Variants in SLC35D2 observed in about 807,000 individuals in gnomAD.
SLC35D2 encodes the protein solute carrier family 35 member D2.
SLC35D2 carries 43 observed loss-of-function variants against 41.8 expected under a neutral mutation model. That is an observed-to-expected ratio of 1.03 (90% CI 0.81 to 1.33). The LOEUF is 1.33. SLC35D2 is among the 40% of genes most tolerant of loss of function. The pLI is 0.00. For synonymous variants in SLC35D2, 150 were observed against 163.9 expected, an observed-to-expected ratio of 0.92 and a Z score of 0.65; for missense variants, 380 against 408.4, an observed-to-expected ratio of 0.93 and a Z score of 0.60.
chr9:96,348,029 C>T (rs1268301545), intron 6 of SLC35D2, among the ~76,000 whole-genome samples: 4 of 152,194 alleles, frequency 2.6e-5, no homozygotes, highest in Non-Finnish European at 5.9e-5. Context: ...AGCTCTGGGG[C>T]TGCTCTTTCT....
intron 8 of SLC35D2, among the ~76,000 whole-genome samples, chr9:96,337,871 A>G (rs1829120108): frequency 6.6e-6 from 1 of 151,298 alleles, no homozygotes; most frequent in Admixed American, 6.6e-5. Context: ...AATCCCAGCT[A>G]CTACAGGGGC....
intron 1 of SLC35D2, among the ~76,000 whole-genome samples, chr9:96,371,442 T>C (rs1290940506): frequency 9.2e-6 from 1 of 108,522 alleles, no homozygotes; most frequent in African/African-American, 3.3e-5. Context: ...CTGCACTCTA[T>C]CTAGCCTGGG....
At chr9:96,335,578 T>C (rs1207652111) in intron 9 of SLC35D2, among the ~76,000 whole-genome samples, 2 of 152,134 alleles carry the variant, frequency 1.3e-5, no homozygotes, top group East Asian at 3.9e-4. Flanking sequence ...CAGGCTGGTC[T>C]CAAACTCCTG....
At chr9:96,376,909 C>T (rs544865231) in intron 1 of SLC35D2, among the ~76,000 whole-genome samples, 1 of 151,574 alleles carries the variant, frequency 6.6e-6, no homozygotes, top group South Asian at 2.1e-4. Context: ...TGCGCCCGGC[C>T]ATGGGGTCAA....
intron 7 of SLC35D2, among the ~76,000 whole-genome samples, chr9:96,344,529 A>AAT (rs745811048): frequency 0.037 from 2,553 of 69,706 alleles, 141 homozygotes; most frequent in African/African-American, 0.093. Context: ...AAAAAAAAAA[A>AAT]GGCCATGCAG....
chr9:96,332,316 C>T (rs1451456589), intron 9 of SLC35D2, among the ~76,000 whole-genome samples: 2 of 152,024 alleles, frequency 1.3e-5, no homozygotes, highest in African/African-American at 4.8e-5. Context: ...GCACCAGTCC[C>T]CAAAGCCAAG....
intron 9 of SLC35D2, among the ~76,000 whole-genome samples, chr9:96,334,355 G>C (rs1056276016): frequency 2.6e-5 from 4 of 152,130 alleles, no homozygotes; most frequent in African/African-American, 9.7e-5. Context: ...TAAGCAAAAT[G>C]GGCCGGGTGT....
At chr9:96,347,778 C>T (rs1235067008) in intron 6 of SLC35D2, among the ~76,000 whole-genome samples, 4 of 152,004 alleles carry the variant, frequency 2.6e-5, no homozygotes, top group East Asian at 1.9e-4. Flanking sequence ...CATAGGAAGC[C>T]GGCACAAAAT....
intron 2 of SLC35D2, among the ~76,000 whole-genome samples, chr9:96,367,219 CAAAAAAAA>C (rs1171888357): frequency 1.4e-5 from 1 of 71,000 alleles, no homozygotes; most frequent in Non-Finnish European, 3.1e-5. Context: ...GACTCAGTCA[CAAAAAAAA>C]AAAAAAAAAA....
downstream of SLC35D2, among the ~76,000 whole-genome samples, chr9:96,317,592 T>C (rs963326386): frequency 6.6e-6 from 1 of 152,212 alleles, no homozygotes; most frequent in Non-Finnish European, 1.5e-5. Flanking sequence ...AACACATCTT[T>C]AAGAATTCCA....
At chr9:96,348,371 G>A (rs991950801) in intron 6 of SLC35D2, among the ~76,000 whole-genome samples, 2 of 152,198 alleles carry the variant, frequency 1.3e-5, no homozygotes, top group Non-Finnish European at 2.9e-5. Flanking sequence ...CTCTGAGGCA[G>A]GGATTCCATC....
intron 9 of SLC35D2, 123 bp from the exon 10 acceptor site, chr9:96,324,292 T>C: frequency 4.4e-6 from 3 of 675,662 alleles, no homozygotes; most frequent in South Asian, 2.3e-5. Context: ...ACACATATCA[T>C]AAAGGTTTTG....
chr9:96,370,517 C>T (rs1183255974), intron 1 of SLC35D2, among the ~76,000 whole-genome samples: 5 of 151,920 alleles, frequency 3.3e-5, no homozygotes, highest in South Asian at 4.2e-4. Context: ...ATTAGCCGGG[C>T]GTGGTGGTGG....
chr9:96,345,524 T>C, intron 6 of SLC35D2, 123 bp from the exon 7 acceptor site: 1 of 653,298 alleles, frequency 1.5e-6, no homozygotes, highest in South Asian at 1.8e-5. Context: ...CCCCGCTTTG[T>C]GGTAGTGAAT....
chr9:96,370,531 C>T (rs575036033), intron 1 of SLC35D2, among the ~76,000 whole-genome samples: 76 of 152,130 alleles, frequency 5.0e-4, no homozygotes, highest in South Asian at 8.3e-4. Flanking sequence ...GTGGTGGGCA[C>T]CTGTAGTCCC....
intron 9 of SLC35D2, among the ~76,000 whole-genome samples, chr9:96,325,316 G>C (rs1011865628): frequency 1.3e-5 from 2 of 152,182 alleles, no homozygotes; most frequent in Non-Finnish European, 2.9e-5. Flanking sequence ...TGTTGAAAGG[G>C]ATTACAAACT....
chr9:96,382,596 G>A (rs1831250002), intron 1 of SLC35D2, among the ~76,000 whole-genome samples: 1 of 150,824 alleles, frequency 6.6e-6, no homozygotes, highest in Admixed American at 6.6e-5. Flanking sequence ...TTTTATATTC[G>A]AGAAAAGTGA....
chr9:96,383,653 C>CCCCGCCG lies in SLC35D2; in HGVS notation c.-26_-20dup, dbSNP rs1053389638. 2.9e-6 allele frequency: 3 copies of CCCCGCCG among 1,022,970 alleles called. No individual in the cohort carries two copies. In the African/African-American group the frequency reaches 5.2e-5, roughly 18 times the overall value. 63.4% of individuals were successfully genotyped at this position (1,022,970 alleles called of 1,614,324 possible). ...CCGTCATCTCCTGCGGCCCCGCGGA[C>CCCCGCCG]CCCGCCGCCCGCCAGCCCCGGCTGC... On this transcript the variant is annotated 5_prime_UTR_variant, in exon 1 of 12. Transcript: ENST00000253270.
At chr9:96,346,194 T>G (rs1003298461) in intron 6 of SLC35D2, among the ~76,000 whole-genome samples, 1 of 152,164 alleles carries the variant, frequency 6.6e-6, no homozygotes, top group Non-Finnish European at 1.5e-5. Flanking sequence ...AAAGACAGAT[T>G]AACAGGAGAA....
Sources: gnomAD v4.1 joint callset for allele counts (sites outside exome capture counted in the v4.1 genomes callset) on GRCh38, gnomAD v4.1.1 for gene constraint, MANE v1.5 for transcripts, NCBI Gene and HGNC (gene_info 2026-07-23, HGNC 2026-07-21) for gene names.